The following PALMD variants were observed in gnomAD, a reference collection of about 807,000 sequenced individuals.
The protein encoded by PALMD is paralemmin-like protein.
PALMD carries 42 observed loss-of-function variants against 56.2 expected under a neutral mutation model. The ratio of observed to expected loss-of-function variants is 0.75; its 90% CI spans 0.58 to 0.97. The LOEUF (loss-of-function observed/expected upper bound fraction) is 0.97, where lower values mean the gene tolerates loss of function less well. Ranked by LOEUF, PALMD falls within the 50% of genes least tolerant of loss-of-function variation. PALMD has a pLI of 0.00. For missense variants in PALMD, 660 were observed against 643.8 expected, an observed-to-expected ratio of 1.03 and a Z score of -0.27; for synonymous variants, 242 against 222.9, an observed-to-expected ratio of 1.09 and a Z score of -0.76.
intron 2 of PALMD, among the ~76,000 whole-genome samples, chr1:99,664,705 C>G (rs547519670): frequency 6.6e-6 from 1 of 152,290 alleles, no homozygotes; most frequent in African/African-American, 2.4e-5. Context: ...TCTACAATGT[C>G]TTCACCAAAT....
rs889007070 is a variant in PALMD at position 99,646,321 on chromosome 1, G to C, written c.4G>C (p.Glu2Gln). The C allele has an allele frequency of 6.8e-6, 11 of 1,613,232 alleles. No individual in the cohort carries two copies. The highest frequency in any genetic ancestry group is 8.5e-6 in the Non-Finnish European group (10 of 1,179,204). Reference protein sequence around the residue: MEEAELVKGRLQ... With the variant: MQEAELVKGRLQ... ...CTGACTGTCCTTGACTTCTAGAATG[G>C]AAGAAGCTGAGCTGGTGAAGGGAAG... is the stretch of plus-strand genomic sequence containing the variant. The change falls in exon 1 of 8, where the codon GAA becomes CAA. Residue 2 changes from glutamate (E) to glutamine (Q), a missense_variant. Coordinates refer to ENST00000263174, the MANE Select transcript of PALMD (RefSeq NM_017734.5).
At chr1:99,679,592 C>T (rs541888231) in intron 3 of PALMD, among the ~76,000 whole-genome samples, 4 of 152,182 alleles carry the variant, frequency 2.6e-5, no homozygotes, top group East Asian at 1.9e-4. Flanking sequence ...TGGGTCAACA[C>T]GTTTACACAC....
chr1:99,671,342 C>T (rs190498134), intron 3 of PALMD, among the ~76,000 whole-genome samples: 1 of 152,302 alleles, frequency 6.6e-6, no homozygotes, highest in East Asian at 1.9e-4. Context: ...AATCCCTCTT[C>T]TGCTGACATA....
chr1:99,662,723 A>T (rs1652872813), intron 2 of PALMD, among the ~76,000 whole-genome samples: 3 of 152,098 alleles, frequency 2.0e-5, no homozygotes, highest in Admixed American at 2.0e-4. Flanking sequence ...ATCCCTAGGG[A>T]GTGGATCCAG....
intron 1 of PALMD, among the ~76,000 whole-genome samples, chr1:99,651,332 T>C (rs1261428742): frequency 1.3e-5 from 2 of 152,234 alleles, no homozygotes. Flanking sequence ...TTTTGATAAC[T>C]GGGGAAGGTT....
intron 3 of PALMD, among the ~76,000 whole-genome samples, chr1:99,683,054 A>AAGAAAGAGAGAGAG: frequency 3.8e-5 from 1 of 26,310 alleles, no homozygotes; most frequent in East Asian, 1.2e-3. Flanking sequence ...GAAAGAAAGA[A>AAGAAAGAGAGAGAG]AGAGAGAGAG....
intron 3 of PALMD, among the ~76,000 whole-genome samples, chr1:99,673,079 C>T (rs1487284640): frequency 6.6e-6 from 1 of 152,090 alleles, no homozygotes; most frequent in Non-Finnish European, 1.5e-5. Context: ...AGGAAAATTC[C>T]TCCACAAAAG....
At chr1:99,660,639 A>AT (rs3835488) in intron 1 of PALMD, among the ~76,000 whole-genome samples, 15 of 151,242 alleles carry the variant, frequency 9.9e-5, no homozygotes, top group Admixed American at 2.6e-4. Context: ...TTGCCTAGCT[A>AT]TTTTTTTTTT....
chr1:99,672,298 AG>A (rs1183930618), intron 3 of PALMD, among the ~76,000 whole-genome samples: 2 of 152,164 alleles, frequency 1.3e-5, no homozygotes, highest in African/African-American at 2.4e-5. Context: ...AAATGTTCCC[AG>A]GGGAAGCCTA....
At chr1:99,649,581 G>A (rs558140815) in intron 1 of PALMD, among the ~76,000 whole-genome samples, 10 of 152,248 alleles carry the variant, frequency 6.6e-5, no homozygotes, top group African/African-American at 1.9e-4. Flanking sequence ...GAAGAACAAC[G>A]AAAAGGCCCA....
chr1:99,652,539 G>A (rs1571058250), intron 1 of PALMD, among the ~76,000 whole-genome samples: 1 of 152,012 alleles, frequency 6.6e-6, no homozygotes, highest in South Asian at 2.1e-4. Flanking sequence ...GGGAGGCAGA[G>A]GTTGCAGTGA....
rs574292032 is a variant in PALMD, at chr1:99,689,026, G to C, written c.766G>C (p.Glu256Gln). Residue 256 changes from glutamate to glutamine, a missense_variant, in exon 7 of 8, where the codon GAG becomes CAG. Glu to Gln is a conservative substitution (Grantham distance 29). Transcript: ENST00000263174. ...AGAGAGAAACTCTAAATCCCCAACAGAGTATCATGAGCCTGTATATGCCAA... is the reference window on the plus strand; with the variant it reads ...AGAGAGAAACTCTAAATCCCCAACACAGTATCATGAGCCTGTATATGCCAA... Reference protein sequence around the residue: ...ASERNSKSPTEYHEPVYANPF... With the variant: ...ASERNSKSPTQYHEPVYANPF... 6.2e-7 allele frequency: 1 copy of C among 1,613,774 alleles called. No individual in the cohort carries two copies. Among genetic ancestry groups the C allele is most frequent in the African/African-American group, 1.3e-5 (1 of 74,974 alleles).
At chr1:99,661,610 C>T (rs1652848068) in intron 1 of PALMD, among the ~76,000 whole-genome samples, 1 of 152,180 alleles carries the variant, frequency 6.6e-6, no homozygotes, top group East Asian at 1.9e-4. Context: ...AGGCAAAAGT[C>T]AAACCCAGGC....
At chr1:99,660,769 C>T (rs1364637251) in intron 1 of PALMD, among the ~76,000 whole-genome samples, 1 of 152,104 alleles carries the variant, frequency 6.6e-6, no homozygotes. Flanking sequence ...GCCTGTAGTC[C>T]CAGTTACTCA....
intron 3 of PALMD, among the ~76,000 whole-genome samples, chr1:99,671,291 C>T (rs866881361): frequency 6.6e-6 from 1 of 152,156 alleles, no homozygotes; most frequent in African/African-American, 2.4e-5. Flanking sequence ...ACTTCTAAGG[C>T]GTTGTAAGAT....
chr1:99,677,600 A>G (rs1315804493), intron 3 of PALMD, among the ~76,000 whole-genome samples: 42 of 152,174 alleles, frequency 2.8e-4, no homozygotes, highest in Non-Finnish European at 4.4e-5. Flanking sequence ...AAGCAGTTCA[A>G]TTTTAATGGC....
In PALMD at chr1:99,689,538, T is replaced by C. The variant is rs768661685; in HGVS notation, c.1278T>C (p.Ser426=). 16 of 1,613,534 alleles carry C rather than the reference T, an allele frequency of 9.9e-6. No individual in the cohort carries two copies. In the East Asian group the frequency reaches 1.8e-4, roughly 18 times the overall value. Residue 426 remains serine (S), a synonymous_variant, in exon 7 of 8, where the codon AGT becomes AGC. Transcript: ENST00000263174. ...TGGGGTATCAGCAGGCAGAAGACAG[T>C]GAAGAAGATAAGAAGTTTCTGACAG... The part of the protein sequence containing the change: ...IFMGYQQAED[S]EEDKKFLTGY...
chr1:99,692,995 G>A (rs1653695634), intron 7 of PALMD, among the ~76,000 whole-genome samples: 1 of 152,222 alleles, frequency 6.6e-6, no homozygotes, highest in African/African-American at 2.4e-5. Context: ...TTTCATATAA[G>A]TGGAGTGACA....
At chr1:99,693,977 G>T in intron 7 of PALMD, 42 bp from the exon 8 acceptor site, 1 of 1,441,002 alleles carries the variant, frequency 6.9e-7, no homozygotes, top group East Asian at 2.3e-5. Context: ...TAAAAATTGA[G>T]GATTTTTTTT....
Sources: allele counts gnomAD v4.1 joint callset (sites outside exome capture counted in the v4.1 genomes callset), GRCh38; gene constraint gnomAD v4.1.1; transcripts MANE v1.5; gene names NCBI Gene and HGNC (gene_info 2026-07-23, HGNC 2026-07-21).